PXDN: variants seen among roughly 807,000 people sequenced by gnomAD.
PXDN encodes the protein peroxidasin.
In PXDN, 77 loss-of-function variants were observed where a neutral mutation model predicts 140.3. The ratio of observed to expected loss-of-function variants is 0.55; its 90% CI spans 0.46 to 0.66. The LOEUF (loss-of-function observed/expected upper bound fraction) is 0.66, where lower values mean the gene tolerates loss of function less well. Ranked by LOEUF, PXDN falls within the 30% of genes least tolerant of loss-of-function variation. PXDN has a pLI of 0.00. For synonymous variants in PXDN, 911 were observed against 857.4 expected (o/e 1.06, Z -1.09); for missense variants, 1,838 against 2,039.5 (o/e 0.90, Z 1.90).
chr2:1,681,319 T>C (rs1169708470), intron 6 of PXDN, among the ~76,000 whole-genome samples: 2 of 151,950 alleles, frequency 1.3e-5, no homozygotes, highest in African/African-American at 2.4e-5. Flanking sequence ...CTTTTTTTTT[T>C]CCTTTTTGCC....
chr2:1,657,739 C>T (rs1459488868), intron 14 of PXDN, among the ~76,000 whole-genome samples: 9 of 139,828 alleles, frequency 6.4e-5, no homozygotes, highest in South Asian at 2.5e-4. Context: ...CTGACAGGGA[C>T]GGGCCCCCTC....
Position 1,648,406 on chromosome 2 carries a change from G to A in PXDN, c.3374C>T (p.Ala1125Val). Residue 1125 changes from alanine (A) to valine (V), a missense_variant, in exon 17 of 23, where the codon GCG becomes GTG. This residue lies in a region of PXDN where 850 missense variants were observed against 894.1 expected (regional missense o/e 0.95). Transcript: ENST00000252804. The surrounding 1 kb of genome is among the most constrained non-coding windows in gnomAD (Gnocchi z 8.9). ...CTGCGAGGGCACACGCATTTTCCCC[G>A]CCACCCCGAACAGCCCCCTGAGAAG... is the stretch of plus-strand genomic sequence containing the variant. Reference protein sequence around the residue: ...DPLLRGLFGVAGKMRVPSQLL... With the variant: ...DPLLRGLFGVVGKMRVPSQLL... The A allele has an allele frequency of 6.8e-6, 11 of 1,611,790 alleles. No homozygotes were observed. The highest frequency in any genetic ancestry group is 2.2e-5 in the South Asian group (2 of 91,060).
In PXDN at chr2:1,649,317, C is replaced by T; in HGVS notation, c.2463G>A (p.Trp821Ter). The T allele has an allele frequency of 1.2e-6, 2 of 1,613,788 alleles. No individual in the cohort carries two copies. Among genetic ancestry groups the T allele is most frequent in the Non-Finnish European group, 1.7e-6 (2 of 1,179,870 alleles). ...DEQFTHMLMQWGQFLDHDLDS... is the reference protein window; with the variant it reads ...DEQFTHMLMQ ...CGAGGTCGTGGTCCAGGAACTGGCC[C>T]CACTGCATCAGCATGTGGGTGAACT... The change falls in exon 17 of 23, where the codon TGG (tryptophan) becomes TGA (stop). Residue 821 changes from tryptophan to a stop codon, truncating the protein, a stop_gained. Transcript: ENST00000252804. LOFTEE classifies it high-confidence loss of function. This position sits in a 1 kb window ranked among gnomAD's most constrained non-coding sequence, Gnocchi z 7.1.
chr2:1,675,798 C>T (rs1280652413), intron 8 of PXDN, among the ~76,000 whole-genome samples: 4 of 100,214 alleles, frequency 4.0e-5, no homozygotes, highest in Non-Finnish European at 7.4e-5. Context: ...AGTTTGAGCC[C>T]GAGTATCAAA....
chr2:1,682,835 G>T (rs1683946918), intron 6 of PXDN, among the ~76,000 whole-genome samples: 1 of 152,166 alleles, frequency 6.6e-6, no homozygotes, highest in African/African-American at 2.4e-5. Flanking sequence ...AGCTACTAGG[G>T]AGGCTGAGGC....
Position 1,685,550 on chromosome 2 carries a change from A to G in PXDN, c.417-1399T>C, listed in dbSNP as rs1011416119. ...GCTGTGAGCTGCTCAGCGAGGCTTC[A>G]GTGCAGGCAGGCAGGGGTGGAGTCC... is the stretch of plus-strand genomic sequence containing the variant. On this transcript the variant is annotated intron_variant, in intron 4 of 22. Transcript: ENST00000252804. The surrounding 1 kb of genome is among the most constrained non-coding windows in gnomAD (Gnocchi z 5.1). 2.6e-5 allele frequency among the ~76,000 whole-genome samples: 4 copies of G among 152,098 alleles called. No homozygotes were observed. Among genetic ancestry groups the G allele is most frequent in the Non-Finnish European group, 5.9e-5 (4 of 68,020 alleles).
chr2:1,711,516 CCCACTCCACCAGCAT>C (rs1684780196), intron 1 of PXDN, among the ~76,000 whole-genome samples: 9 of 140,086 alleles, frequency 6.4e-5, no homozygotes, highest in Admixed American at 1.4e-4. Context: ...TCCACCAGCA[CCCACTCCACCAGCAT>C]CCACTCCACC....
At chr2:1,728,636 T>C (rs1427102107) in intron 1 of PXDN, among the ~76,000 whole-genome samples, 1 of 152,188 alleles carries the variant, frequency 6.6e-6, no homozygotes, top group Non-Finnish European at 1.5e-5. Context: ...TTTGTGCTTT[T>C]GTTGGTGATT....
chr2:1,643,516 C>T lies in PXDN; in HGVS notation c.3804G>A (p.Thr1268=), dbSNP rs752400573. The T allele has an allele frequency of 4.3e-6, 7 of 1,613,826 alleles. No individual in the cohort carries two copies. Among genetic ancestry groups the T allele is most frequent in the African/African-American group, 2.7e-5 (2 of 74,916 alleles). ...TGTCGCATAGGATCCTGGCCAGCGA[C>T]GTCTGCTTGATCTGAGTCAGCTGGG... is the stretch of plus-strand genomic sequence containing the variant. ...SPAQLTQIKQ[T]SLARILCDNA... is the part of the protein sequence containing the mutation. The change falls in exon 19 of 23, where the codon ACG becomes ACA. Residue 1268 remains threonine, a synonymous_variant. Coordinates refer to ENST00000252804, the MANE Select transcript of PXDN (RefSeq NM_012293.3).
At chr2:1,657,489 G>A (rs1683172714) in intron 14 of PXDN, among the ~76,000 whole-genome samples, 1 of 150,844 alleles carries the variant, frequency 6.6e-6, no homozygotes, top group Non-Finnish European at 1.5e-5. Context: ...CCTCCCGACT[G>A]AAGCCTGCCA....
At chr2:1,644,879 G>C (rs1024320249) in intron 17 of PXDN, 127 bp from the exon 18 acceptor site, 50 of 1,101,242 alleles carry the variant, frequency 4.5e-5, no homozygotes, top group Non-Finnish European at 5.1e-5. Flanking sequence ...ACTTAACAAA[G>C]AAAATATTTA....
intron 12 of PXDN, among the ~76,000 whole-genome samples, chr2:1,662,830 C>T (rs1183018420): frequency 6.6e-6 from 1 of 152,200 alleles, no homozygotes; most frequent in African/African-American, 2.4e-5. Context: ...TGCACAGTCT[C>T]AGGACAGCCC....
At chr2:1,738,366 C>T (rs916464474) in intron 1 of PXDN, among the ~76,000 whole-genome samples, 2 of 152,100 alleles carry the variant, frequency 1.3e-5, no homozygotes, top group Admixed American at 6.5e-5. Flanking sequence ...AGAGATCACT[C>T]GATTCCCAGC....
chr2:1,694,338 AGTTTGTAGAATT>A (rs1389015007), intron 1 of PXDN, among the ~76,000 whole-genome samples: 1 of 152,222 alleles, frequency 6.6e-6, no homozygotes, highest in East Asian at 1.9e-4. Context: ...CACTGTCAGT[AGTTTGTAGAATT>A]GGTTCTAGTT....
chr2:1,744,243 C>A lies in PXDN; in HGVS notation c.200+13G>T. On this transcript the variant is annotated intron_variant, in intron 1 of 22. Transcript: ENST00000252804. ...CCGGACCCCGCGCCCCCGGCGTCCCCCGCGGCACTCACAGGATGGAGGTCT... is the reference window on the plus strand; with the variant it reads ...CCGGACCCCGCGCCCCCGGCGTCCCACGCGGCACTCACAGGATGGAGGTCT... The A allele has an allele frequency of 6.8e-7, 1 of 1,481,134 alleles. No individual in the cohort carries two copies. Among genetic ancestry groups the A allele is most frequent in the Non-Finnish European group, 8.9e-7 (1 of 1,119,348 alleles). 91.7% of individuals were successfully genotyped at this position (1,481,134 alleles called of 1,614,324 possible). A position where few individuals can be genotyped will look rare whatever the true frequency, so the allele number is the denominator to read the frequency against.
In PXDN at chr2:1,648,372, G is replaced by A. The variant is rs758479316; in HGVS notation, c.3408C>T (p.Asn1136=). Residue 1136 remains asparagine (N), a synonymous_variant, in exon 17 of 23, where the codon AAC becomes AAT. Transcript: ENST00000252804. This position sits in a 1 kb window ranked among gnomAD's most constrained non-coding sequence, Gnocchi z 8.9. ...GKMRVPSQLL[N]TELTERLFSM... ...AGAACAGCCGCTCCGTGAGCTCCGT[G>A]TTCAGCAGCTGCGAGGGCACACGCA... The A allele has an allele frequency of 1.9e-6, 3 of 1,613,396 alleles. No homozygotes were observed. Among genetic ancestry groups the A allele is most frequent in the East Asian group, 4.5e-5 (2 of 44,866 alleles).
chr2:1,737,562 T>C (rs1046854331), intron 1 of PXDN, among the ~76,000 whole-genome samples: 2 of 151,226 alleles, frequency 1.3e-5, no homozygotes, highest in African/African-American at 4.9e-5. Context: ...TTTTTTGAGA[T>C]GGAGTCTTGC....
chr2:1,642,163 G>C (rs1682742238), intron 19 of PXDN, among the ~76,000 whole-genome samples: 1 of 151,920 alleles, frequency 6.6e-6, no homozygotes. Context: ...TGTGGGTGGT[G>C]GGGGGTGCAG....
At chr2:1,642,939 T>C (rs12714329) in intron 19 of PXDN, among the ~76,000 whole-genome samples, 136,515 of 152,312 alleles carry the variant, frequency 0.9, 61,258 homozygotes, top group East Asian at 1. Flanking sequence ...CAGTCACTTA[T>C]GTTACAGATA....
Sources: gnomAD v4.1 joint callset for allele counts (sites outside exome capture counted in the v4.1 genomes callset) on GRCh38, gnomAD v4.1.1 for gene constraint, gnomAD v4.1.1 regional missense constraint, Gnocchi (gnomAD v3.1) non-coding constraint, MANE v1.5 for transcripts, NCBI Gene and HGNC (gene_info 2026-07-23, HGNC 2026-07-21) for gene names.